MCPH1: variants seen among roughly 807,000 people sequenced by gnomAD.
MCPH1 encodes the protein microcephalin 1, also known as microcephalin.
MCPH1 carries 104 observed loss-of-function variants against 84.5 expected under a neutral mutation model. The observed-to-expected ratio is 1.23, with a 90% CI of 1.05 to 1.45. The LOEUF is 1.45. Ranked by LOEUF, MCPH1 falls within the 40% of genes most tolerant of loss-of-function variation. The pLI is 0.00. For missense variants in MCPH1, 1,498 were observed against 1,005.7 expected (o/e 1.49, Z -6.62); for synonymous variants, 514 against 366.8 (o/e 1.40, Z -4.58).
At chr8:6,555,626 T>A (rs1281681167) in intron 12 of MCPH1, among the ~76,000 whole-genome samples, 1 of 151,698 alleles carries the variant, frequency 6.6e-6, no homozygotes, top group East Asian at 1.9e-4. Flanking sequence ...CACGCCTGGG[T>A]GATTTTTATA....
chr8:6,455,997 A>G (rs1330025079), intron 9 of MCPH1, among the ~76,000 whole-genome samples: 1 of 152,180 alleles, frequency 6.6e-6, no homozygotes, highest in African/African-American at 2.4e-5. Context: ...AGGCTTGAAC[A>G]GATGGGCGGC....
rs554853204 is a variant in MCPH1, at chr8:6,414,899, C to T, written c.233+16C>T. The T allele has an allele frequency of 6.2e-7, 1 of 1,612,220 alleles. No homozygotes were observed. The highest frequency in any genetic ancestry group is 8.5e-7 in the Non-Finnish European group (1 of 1,178,988). On this transcript the variant is annotated intron_variant, in intron 3 of 13. Transcript: ENST00000344683. Reference sequence around the variant, plus strand: ...GGGTGGAAAAGTAAGCAGTTTCTCTCTTACTTTTTTTCCTTAAGTATCTAG... The same window carrying T: ...GGGTGGAAAAGTAAGCAGTTTCTCTTTTACTTTTTTTCCTTAAGTATCTAG...
chr8:6,617,544 G>A (rs1473505525), intron 12 of MCPH1, among the ~76,000 whole-genome samples: 2 of 151,984 alleles, frequency 1.3e-5, no homozygotes, highest in African/African-American at 4.8e-5. Flanking sequence ...CGATGCCACC[G>A]AGCCATCGTT....
intron 3 of MCPH1, among the ~76,000 whole-genome samples, chr8:6,416,977 A>G (rs557761147): frequency 8.7e-4 from 132 of 151,870 alleles, no homozygotes; most frequent in African/African-American, 3.0e-3. Flanking sequence ...CTGGGCGACA[A>G]GAGCGGGGAA....
chr8:6,481,639 A>G (rs1327818526), intron 11 of MCPH1, among the ~76,000 whole-genome samples: 1 of 152,222 alleles, frequency 6.6e-6, no homozygotes, highest in Admixed American at 6.5e-5. Flanking sequence ...ATAACATGCA[A>G]AAGCTACACA....
At position 6,559,547 on chromosome 8, in the gene MCPH1, C is replaced by T. The variant is rs373037343; in HGVS notation, c.2214+59618C>T. Among the ~76,000 whole-genome samples, 213 of 152,062 alleles carry T rather than the reference C, an allele frequency of 1.4e-3. 2 individuals carry two copies. Among genetic ancestry groups the T allele is most frequent in the African/African-American group, 5.0e-3 (208 of 41,490 alleles). On this transcript the variant is annotated intron_variant, in intron 12 of 13. Coordinates refer to ENST00000344683, the MANE Select transcript of MCPH1 (RefSeq NM_024596.5). ...CGATGGCAGAGGAAATGTTTGCCTCCGTAGTAGGCATCAACTTTATTTTTC... is the reference window on the plus strand; with the variant it reads ...CGATGGCAGAGGAAATGTTTGCCTCTGTAGTAGGCATCAACTTTATTTTTC...
At chr8:6,562,546 C>G in intron 12 of MCPH1, 4 of 133,906 alleles carry the variant, frequency 3.0e-5, no homozygotes, top group Non-Finnish European at 3.8e-5. Context: ...CCTCTTCATC[C>G]TCCTTCTTTT....
At chr8:6,466,454 C>T (rs1332278959) in intron 9 of MCPH1, among the ~76,000 whole-genome samples, 1 of 152,052 alleles carries the variant, frequency 6.6e-6, no homozygotes, top group Non-Finnish European at 1.5e-5. Context: ...AGTACAGGCG[C>T]GTGCCACCAC....
chr8:6,606,592 C>T (rs1272888609), intron 12 of MCPH1, among the ~76,000 whole-genome samples: 2 of 152,112 alleles, frequency 1.3e-5, no homozygotes, highest in East Asian at 3.8e-4. Flanking sequence ...ACACAGGGAG[C>T]AAGGCTGTGC....
At chr8:6,578,353 CT>C (rs1227927356) in intron 12 of MCPH1, among the ~76,000 whole-genome samples, 1 of 152,168 alleles carries the variant, frequency 6.6e-6, no homozygotes, top group East Asian at 1.9e-4. Flanking sequence ...AGCTTGAAGC[CT>C]AAAACTTTGG....
intron 11 of MCPH1, among the ~76,000 whole-genome samples, chr8:6,491,380 T>TC (rs1563281035): frequency 6.7e-6 from 1 of 150,352 alleles, no homozygotes; most frequent in African/African-American, 2.4e-5. Flanking sequence ...TTCTTTCTTT[T>TC]TTTTTTTTTT....
chr8:6,609,442 C>T (rs1020660015), intron 12 of MCPH1, among the ~76,000 whole-genome samples: 2 of 152,176 alleles, frequency 1.3e-5, no homozygotes, highest in Admixed American at 6.5e-5. Flanking sequence ...ATGTTCCCAT[C>T]ACTTATGTAG....
chr8:6,484,610 G>C (rs1227273656), intron 11 of MCPH1, among the ~76,000 whole-genome samples: 3 of 152,228 alleles, frequency 2.0e-5, no homozygotes, highest in Non-Finnish European at 2.9e-5. Context: ...GCTGGACCTG[G>C]AAACAGCACA....
intron 11 of MCPH1, among the ~76,000 whole-genome samples, chr8:6,482,069 T>C (rs1328238099): frequency 6.6e-6 from 1 of 152,196 alleles, no homozygotes; most frequent in Non-Finnish European, 1.5e-5. Flanking sequence ...CCTCACTTAG[T>C]AGCCATCTTG....
chr8:6,486,208 A>G (rs1273448524), intron 11 of MCPH1, among the ~76,000 whole-genome samples: 1 of 152,030 alleles, frequency 6.6e-6, no homozygotes, highest in Non-Finnish European at 1.5e-5. Flanking sequence ...TTTTAGGGTC[A>G]AGATTTAAAG....
chr8:6,494,322 C>A (rs145207827), intron 11 of MCPH1: 1 of 152,278 alleles, frequency 6.6e-6, no homozygotes, highest in Admixed American at 6.5e-5. Flanking sequence ...CCAAAGATAG[C>A]CTAGAGAGTA....
chr8:6,444,485 A>G lies in MCPH1; in HGVS notation c.763A>G (p.Ile255Val), dbSNP rs1436315786. ...TCAGGAAAGGAAGTTGGAAGGATCC[A>G]TTAATGACATTAAAAGTGATGTGTG... Reference protein sequence around the residue: ...GNQERKLEGSINDIKSDVCIS... With the variant: ...GNQERKLEGSVNDIKSDVCIS... Residue 255 changes from isoleucine (I) to valine (V), a missense_variant, in exon 8 of 14, where the codon ATT (isoleucine) becomes GTT (valine). Ile to Val is a conservative substitution (Grantham distance 29, BLOSUM62 3). Transcript: ENST00000344683. 1 of 1,614,216 alleles carries G rather than the reference A, an allele frequency of 6.2e-7. No homozygotes were observed. Among genetic ancestry groups the G allele is most frequent in the Non-Finnish European group, 8.5e-7 (1 of 1,180,036 alleles).
intron 12 of MCPH1, among the ~76,000 whole-genome samples, chr8:6,528,850 G>C (rs1031369279): frequency 2.6e-5 from 4 of 152,206 alleles, no homozygotes; most frequent in Non-Finnish European, 5.9e-5. Flanking sequence ...TTCAGGGATG[G>C]TCTTATCCTT....
intron 2 of MCPH1, among the ~76,000 whole-genome samples, chr8:6,410,438 G>A (rs1306119703): frequency 1.3e-5 from 2 of 152,172 alleles, no homozygotes; most frequent in Non-Finnish European, 2.9e-5. Flanking sequence ...AGTGAAATGG[G>A]CAGGAATCAT....
Sources: gnomAD v4.1 joint callset for allele counts (sites outside exome capture counted in the v4.1 genomes callset) on GRCh38, gnomAD v4.1.1 for gene constraint, MANE v1.5 for transcripts, NCBI Gene and HGNC (gene_info 2026-07-23, HGNC 2026-07-21) for gene names.